KCNIP4: variants seen among roughly 807,000 people sequenced by gnomAD.
The protein encoded by KCNIP4 is potassium voltage-gated channel interacting protein 4.
In KCNIP4, 12 loss-of-function variants were observed where a neutral mutation model predicts 34.0. The observed-to-expected ratio is 0.35, with a 90% confidence interval of 0.23 to 0.57. The LOEUF is 0.57. KCNIP4 is among the 20% of genes least tolerant of loss of function. KCNIP4 has a pLI of 0.83. For missense variants in KCNIP4, 238 were observed against 311.7 expected, an observed-to-expected ratio of 0.76 and a Z score of 1.78; for synonymous variants, 124 against 102.2, an observed-to-expected ratio of 1.21 and a Z score of -1.29.
intron 1 of KCNIP4, among the ~76,000 whole-genome samples, chr4:21,683,455 T>A (rs1357742712): frequency 1.8e-3 from 23 of 12,554 alleles, no homozygotes; most frequent in African/African-American, 7.0e-3. Context: ...GATTTTTTTT[T>A]TTTTTTTTTT....
chr4:20,818,209 C>A (rs140367059), intron 3 of KCNIP4, among the ~76,000 whole-genome samples: 6 of 152,204 alleles, frequency 3.9e-5, no homozygotes, highest in African/African-American at 1.4e-4. Context: ...GTCTCCAATA[C>A]CAAATAGCTA....
rs150933105 is a variant in KCNIP4 at position 21,748,292 on chromosome 4, A to G, written c.61+200279T>C. ...TATTGGCTCCATGCTACAACTTTCC[A>G]CTAGGCAAAACAGAGCCTCTCCAAA... On this transcript the variant is annotated intron_variant, in intron 1 of 8. Coordinates refer to ENST00000382152, the MANE Select transcript of KCNIP4 (RefSeq NM_025221.6). Among the ~76,000 whole-genome samples the G allele has an allele frequency of 8.7e-3, 1,327 of 152,270 alleles. 19 individuals carry two copies. Among genetic ancestry groups the G allele is most frequent in the South Asian group, 0.039 (186 of 4,826 alleles).
chr4:21,526,472 C>T (rs1735983317), intron 1 of KCNIP4, among the ~76,000 whole-genome samples: 1 of 151,990 alleles, frequency 6.6e-6, no homozygotes, highest in Non-Finnish European at 1.5e-5. Flanking sequence ...TGGGAACAGA[C>T]TAATATAGCA....
intron 2 of KCNIP4, among the ~76,000 whole-genome samples, chr4:20,878,169 T>C (rs558584416): frequency 6.6e-6 from 1 of 152,316 alleles, no homozygotes; most frequent in African/African-American, 2.4e-5. Context: ...TCAGTTTTTT[T>C]AGTCATTCTA....
intron 1 of KCNIP4, among the ~76,000 whole-genome samples, chr4:21,556,299 G>A (rs935592688): frequency 4.6e-5 from 7 of 152,026 alleles, no homozygotes; most frequent in Non-Finnish European, 1.0e-4. Context: ...AATATATTAG[G>A]TACATGATTC....
intron 1 of KCNIP4, among the ~76,000 whole-genome samples, chr4:21,120,983 G>A (rs990467352): frequency 3.3e-5 from 5 of 152,202 alleles, no homozygotes; most frequent in African/African-American, 1.2e-4. Flanking sequence ...GCTTGCTGAA[G>A]AATTCTGTAG....
At chr4:21,688,084 T>TA (rs1218594448) in intron 1 of KCNIP4, among the ~76,000 whole-genome samples, 1 of 152,190 alleles carries the variant, frequency 6.6e-6, no homozygotes, top group African/African-American at 2.4e-5. Flanking sequence ...AACTTATATT[T>TA]ATTTATGATA....
chr4:21,056,560 T>C (rs1441805366), intron 1 of KCNIP4, among the ~76,000 whole-genome samples: 1 of 152,186 alleles, frequency 6.6e-6, no homozygotes, highest in Non-Finnish European at 1.5e-5. Context: ...TTCATTCATT[T>C]GCCCTACATA....
rs781214877 is a variant in KCNIP4, at chr4:21,303,864, TGAC to T, written c.62-421158_62-421156del. The T allele has an allele frequency of 7.4e-6, 12 of 1,613,906 alleles. No homozygotes were observed. The Admixed American group carries it at 2.0e-4, about 27-fold the overall frequency. ...TCCAATAATTTAACAAAAAGCACAA[TGAC>T]GATCAGAACTGCTATCATTTCAAGC... On this transcript the variant is annotated intron_variant, in intron 1 of 8. Coordinates refer to ENST00000382152, the MANE Select transcript of KCNIP4 (RefSeq NM_025221.6).
At chr4:21,689,297 A>C (rs2109039659) in intron 1 of KCNIP4, among the ~76,000 whole-genome samples, 1 of 152,320 alleles carries the variant, frequency 6.6e-6, no homozygotes, top group Admixed American at 6.5e-5. Flanking sequence ...TTTTAGTGAA[A>C]ATTTAATTTG....
At chr4:21,682,713 T>C (rs186024203) in intron 1 of KCNIP4, among the ~76,000 whole-genome samples, 81 of 152,212 alleles carry the variant, frequency 5.3e-4, no homozygotes, top group Admixed American at 1.0e-3. Flanking sequence ...AAAAAGTTAT[T>C]AATTGAACTA....
At chr4:21,507,733 C>T (rs1733967622) in intron 1 of KCNIP4, among the ~76,000 whole-genome samples, 1 of 152,096 alleles carries the variant, frequency 6.6e-6, no homozygotes, top group African/African-American at 2.4e-5. Context: ...ATGCTGATTA[C>T]AAATTCTACA....
intron 1 of KCNIP4, among the ~76,000 whole-genome samples, chr4:20,898,429 A>C (rs1187477020): frequency 6.6e-6 from 1 of 152,162 alleles, no homozygotes; most frequent in Non-Finnish European, 1.5e-5. Context: ...GAACACCACT[A>C]ACAATGAATG....
At chr4:21,060,074 T>G in intron 1 of KCNIP4, among the ~76,000 whole-genome samples, 1 of 152,250 alleles carries the variant, frequency 6.6e-6, no homozygotes, top group East Asian at 1.9e-4. Flanking sequence ...ATGATAAAAA[T>G]TTTGTTTCAT....
intron 1 of KCNIP4, among the ~76,000 whole-genome samples, chr4:21,097,725 C>T (rs143071686): frequency 6.6e-6 from 1 of 152,178 alleles, no homozygotes; most frequent in Non-Finnish European, 1.5e-5. Flanking sequence ...TCCCTCTCCC[C>T]CAGCTTCCAT....
In KCNIP4 at chr4:20,882,635, C is replaced by G; in HGVS notation, c.136G>C (p.Ala46Pro). 6.2e-7 allele frequency: 1 copy of G among 1,613,162 alleles called. No individual in the cohort carries two copies. The highest frequency in any genetic ancestry group is 2.2e-5 in the East Asian group (1 of 44,824). ...TGAATAGCAGGAGACGACGTTTTGG[C>G]AGCTGAGCAGGGCAAGAGCTTCATG... ...RLMKLLPCSA[A>P]KTSSPAIQNS... Residue 46 changes from alanine to proline, a missense_variant, in exon 2 of 9, where the codon GCC becomes CCC. By Grantham distance (27) the Ala-to-Pro change is conservative (BLOSUM62 -1). Coordinates refer to ENST00000382152, the MANE Select transcript of KCNIP4 (RefSeq NM_025221.6).
At chr4:21,786,663 G>A (rs956933732) in intron 1 of KCNIP4, among the ~76,000 whole-genome samples, 1 of 150,964 alleles carries the variant, frequency 6.6e-6, no homozygotes, top group African/African-American at 2.5e-5. Context: ...CGCCTCCCGG[G>A]TTCATGCCAT....
At chr4:21,707,497 G>C (rs560151516) in intron 1 of KCNIP4, among the ~76,000 whole-genome samples, 1 of 152,168 alleles carries the variant, frequency 6.6e-6, no homozygotes, top group African/African-American at 2.4e-5. Context: ...TATGACATAT[G>C]TGTAGATTTT....
intron 1 of KCNIP4, among the ~76,000 whole-genome samples, chr4:21,447,836 GC>G (rs1381681728): frequency 4.6e-5 from 7 of 152,094 alleles, no homozygotes; most frequent in Admixed American, 2.6e-4. Context: ...TAGCTATACA[GC>G]ATGGATACCT....
Sources: allele counts gnomAD v4.1 joint callset (sites outside exome capture counted in the v4.1 genomes callset), GRCh38; gene constraint gnomAD v4.1.1; transcripts MANE v1.5; gene names NCBI Gene and HGNC (gene_info 2026-07-23, HGNC 2026-07-21).